The following AUTS2 variants were observed in gnomAD, a reference collection of about 807,000 sequenced individuals.
The protein encoded by AUTS2 is autism susceptibility gene 2 protein.
Under a neutral mutation model 112.4 loss-of-function variants are expected in AUTS2, and 17 were observed. The observed-to-expected ratio is 0.15, with a 90% CI of 0.10 to 0.23. The LOEUF (loss-of-function observed/expected upper bound fraction) is 0.23. Among genes scored for constraint, AUTS2 ranks in the 10% least tolerant of loss-of-function variants. The pLI is 1.00. For missense variants in AUTS2, 1,510 were observed against 1,701.6 expected, an observed-to-expected ratio of 0.89 and a Z score of 1.98; for synonymous variants, 751 against 702.7, an observed-to-expected ratio of 1.07 and a Z score of -1.09.
intron 5 of AUTS2, among the ~76,000 whole-genome samples, chr7:70,619,693 A>T (rs1804566507): frequency 6.6e-6 from 1 of 152,110 alleles, no homozygotes; most frequent in African/African-American, 2.4e-5. Flanking sequence ...GAGCTGTGGC[A>T]GCTAGCAAGT....
chr7:70,662,271 G>A lies in AUTS2; in HGVS notation c.691-36298G>A, dbSNP rs113782508. 2.7e-3 allele frequency among the ~76,000 whole-genome samples: 415 copies of A among 152,358 alleles called. 4 individuals are homozygous for A. The highest frequency in any genetic ancestry group is 9.5e-3 in the African/African-American group (397 of 41,580). ...GGGCTGCATGGAGGGCCTCAGAAAAGTAGGTAGACTCGTAAGACGGGCTTT... is the reference window on the plus strand; with the variant it reads ...GGGCTGCATGGAGGGCCTCAGAAAAATAGGTAGACTCGTAAGACGGGCTTT... On this transcript the variant is annotated intron_variant, in intron 5 of 18. Coordinates refer to ENST00000342771, the MANE Select transcript of AUTS2 (RefSeq NM_015570.4).
At chr7:69,875,061 C>A (rs1437502214) in intron 1 of AUTS2, among the ~76,000 whole-genome samples, 1 of 150,734 alleles carries the variant, frequency 6.6e-6, no homozygotes, top group Non-Finnish European at 1.5e-5. Flanking sequence ...TTTCATCTTT[C>A]ACTGAATTCC....
chr7:70,092,590 A>G (rs1803977425), intron 2 of AUTS2, among the ~76,000 whole-genome samples: 1 of 151,546 alleles, frequency 6.6e-6, no homozygotes, highest in South Asian at 2.1e-4. Context: ...GCATGCAGAC[A>G]TGAGCTTAAG....
chr7:70,172,408 T>C (rs1215166492), intron 4 of AUTS2, among the ~76,000 whole-genome samples: 1 of 152,236 alleles, frequency 6.6e-6, no homozygotes, highest in African/African-American at 2.4e-5. Flanking sequence ...CGTTCTTTCA[T>C]GGGAAATTTT....
intron 5 of AUTS2, among the ~76,000 whole-genome samples, chr7:70,668,778 G>A (rs1182104763): frequency 6.6e-6 from 1 of 152,214 alleles, no homozygotes; most frequent in Non-Finnish European, 1.5e-5. Context: ...AAGTGGAGGG[G>A]AATTCCGAAA....
chr7:69,795,353 G>A (rs1300159794), intron 1 of AUTS2, among the ~76,000 whole-genome samples: 2 of 152,116 alleles, frequency 1.3e-5, no homozygotes, highest in Non-Finnish European at 2.9e-5. Context: ...AGTCCTTCAG[G>A]TTTTGGTCTT....
At chr7:70,227,768 T>C (rs1811843368) in intron 4 of AUTS2, among the ~76,000 whole-genome samples, 1 of 152,146 alleles carries the variant, frequency 6.6e-6, no homozygotes, top group South Asian at 2.1e-4. Flanking sequence ...TTGTTGTTTG[T>C]TTCTAATTTA....
intron 4 of AUTS2, among the ~76,000 whole-genome samples, chr7:70,158,869 G>T (rs1807926225): frequency 6.6e-6 from 1 of 152,076 alleles, no homozygotes; most frequent in Non-Finnish European, 1.5e-5. Context: ...ATCTACCTAT[G>T]ATATACTCAA....
intron 1 of AUTS2, among the ~76,000 whole-genome samples, chr7:69,887,149 C>T (rs370532920): frequency 6.6e-6 from 1 of 152,132 alleles, no homozygotes. Context: ...TGCAGTGGCT[C>T]ACGCCTGTAA....
chr7:69,713,500 G>A (rs1373625293), intron 1 of AUTS2, among the ~76,000 whole-genome samples: 2 of 132,834 alleles, frequency 1.5e-5, no homozygotes, highest in Admixed American at 1.6e-4. Flanking sequence ...CGCTCTTCTT[G>A]CCCAGGCTGG....
chr7:69,835,319 T>C (rs930243275), intron 1 of AUTS2, among the ~76,000 whole-genome samples: 2 of 152,206 alleles, frequency 1.3e-5, no homozygotes, highest in East Asian at 1.9e-4. Context: ...GATAGAGAGA[T>C]GGCAAAATCC....
At chr7:69,714,237 A>ATG (rs138808537) in intron 1 of AUTS2, among the ~76,000 whole-genome samples, 62 of 89,988 alleles carry the variant, frequency 6.9e-4, no homozygotes, top group African/African-American at 2.7e-3. Flanking sequence ...CTAATTGTGC[A>ATG]TGTGTGTGTA....
rs559889597 is a variant in AUTS2 at position 69,673,658 on chromosome 7, G to A, written c.309+73696G>A. 2.0e-5 allele frequency among the ~76,000 whole-genome samples: 3 copies of A among 152,310 alleles called. No homozygotes were observed. The South Asian group carries it at 6.2e-4, about 32-fold the overall frequency. ...CAGGATAGAATCAGGCTATATTTGT[G>A]TTTCTGTCAATAGTCTGAATTCCTT... On this transcript the variant is annotated intron_variant, in intron 1 of 18. Coordinates refer to ENST00000342771, the MANE Select transcript of AUTS2 (RefSeq NM_015570.4).
At chr7:70,488,864 A>G (rs1798128724) in intron 5 of AUTS2, among the ~76,000 whole-genome samples, 1 of 152,188 alleles carries the variant, frequency 6.6e-6, no homozygotes, top group African/African-American at 2.4e-5. Context: ...ACAGCCACGT[A>G]GCTGACTCTG....
At chr7:70,784,647 A>G (rs779261742) in intron 15 of AUTS2, 1 of 420,616 alleles carries the variant, frequency 2.4e-6, no homozygotes, top group Non-Finnish European at 4.2e-6. Context: ...TCTTTGTAAT[A>G]CTGTGTGTCA....
chr7:70,712,466 G>A (rs1810113325), intron 6 of AUTS2, among the ~76,000 whole-genome samples: 1 of 152,148 alleles, frequency 6.6e-6, no homozygotes, highest in African/African-American at 2.4e-5. Context: ...GAATGGGTTA[G>A]ATGAAATTAA....
intron 14 of AUTS2, 124 bp from the exon 15 acceptor site, chr7:70,781,491 T>C: frequency 8.3e-7 from 1 of 1,205,320 alleles, no homozygotes; most frequent in Non-Finnish European, 1.1e-6. Context: ...AGCTGCTTTC[T>C]CTCACAGTGT....
intron 5 of AUTS2, among the ~76,000 whole-genome samples, chr7:70,548,014 GTA>G: frequency 6.6e-6 from 1 of 152,268 alleles, no homozygotes; most frequent in Non-Finnish European, 1.5e-5. Flanking sequence ...GTTGTAGTTT[GTA>G]TTTCTCTAAG....
intron 2 of AUTS2, among the ~76,000 whole-genome samples, chr7:69,921,938 C>T (rs1040271387): frequency 2.6e-5 from 4 of 151,930 alleles, no homozygotes; most frequent in Non-Finnish European, 5.9e-5. Context: ...GTGGCACATG[C>T]CTGTAATCCC....
Sources: gnomAD v4.1 joint callset for allele counts (sites outside exome capture counted in the v4.1 genomes callset) on GRCh38, gnomAD v4.1.1 for gene constraint, MANE v1.5 for transcripts, NCBI Gene and HGNC (gene_info 2026-07-23, HGNC 2026-07-21) for gene names.